The following PEAK1 variants were observed in gnomAD, a reference collection of about 807,000 sequenced individuals.
PEAK1 encodes pseudopodium enriched atypical kinase 1.
Under a neutral mutation model 124.7 loss-of-function variants are expected in PEAK1, and 54 were observed. The ratio of observed to expected loss-of-function variants is 0.43; its 90% CI spans 0.35 to 0.54. PEAK1 has a LOEUF of 0.54. Among genes scored for constraint, PEAK1 ranks in the 20% least tolerant of loss-of-function variants. PEAK1 has a pLI of 0.01. For synonymous variants in PEAK1, 719 were observed against 760.0 expected (o/e 0.95, Z 0.89); for missense variants, 2,046 against 2,134.5 (o/e 0.96, Z 0.82).
intron 5 of PEAK1, among the ~76,000 whole-genome samples, chr15:77,269,199 T>C (rs2061897877): frequency 6.6e-6 from 1 of 151,686 alleles, no homozygotes. Context: ...TGGGCCGAAA[T>C]GCTCCACTTA....
chr15:77,182,183 T>C, intron 6 of PEAK1, 143 bp from the exon 7 acceptor site: 1 of 710,212 alleles, frequency 1.4e-6, no homozygotes, highest in African/African-American at 1.9e-5. Flanking sequence ...TTTGTGTACT[T>C]TGTAATTTCC....
intron 6 of PEAK1, among the ~76,000 whole-genome samples, chr15:77,218,478 GATT>G (rs1233407382): frequency 4.0e-5 from 6 of 151,606 alleles, no homozygotes; most frequent in African/African-American, 1.5e-4. Flanking sequence ...ACCCTGGGAT[GATT>G]TTATTATTCA....
intron 9 of PEAK1, among the ~76,000 whole-genome samples, chr15:77,118,165 T>C (rs1262919700): frequency 6.6e-6 from 1 of 152,172 alleles, no homozygotes; most frequent in African/African-American, 2.4e-5. Flanking sequence ...ACTCTAGCTT[T>C]AAGAGCAAAG....
chr15:77,287,146 A>G (rs956033735), intron 2 of PEAK1, among the ~76,000 whole-genome samples: 2 of 152,212 alleles, frequency 1.3e-5, no homozygotes, highest in African/African-American at 4.8e-5. Context: ...AAAGGGCCAC[A>G]CTGTACTCAG....
chr15:77,364,556 G>A (rs757114257), intron 2 of PEAK1, among the ~76,000 whole-genome samples: 2 of 152,296 alleles, frequency 1.3e-5, no homozygotes, highest in East Asian at 3.9e-4. Context: ...TTACAACGAT[G>A]TATTTGGAAA....
At chr15:77,390,965 C>G (rs904298137) in intron 1 of PEAK1, among the ~76,000 whole-genome samples, 6 of 152,272 alleles carry the variant, frequency 3.9e-5, no homozygotes, top group African/African-American at 1.4e-4. Context: ...TTTGCCTCTG[C>G]AGAATAAGTT....
At chr15:77,387,683 C>T (rs2070067903) in intron 1 of PEAK1, among the ~76,000 whole-genome samples, 1 of 152,130 alleles carries the variant, frequency 6.6e-6, no homozygotes, top group South Asian at 2.1e-4. Flanking sequence ...TATAAAGTTA[C>T]TTGAGGAAGC....
At chr15:77,318,129 G>C (rs1336868046) in intron 2 of PEAK1, among the ~76,000 whole-genome samples, 1 of 151,620 alleles carries the variant, frequency 6.6e-6, no homozygotes, top group Non-Finnish European at 1.5e-5. Context: ...TTGATAGTTA[G>C]ACAAATCTAC....
At chr15:77,239,990 A>T in intron 6 of PEAK1, 1 of 284,880 alleles carries the variant, frequency 3.5e-6, no homozygotes, top group Non-Finnish European at 5.3e-6. Flanking sequence ...AAATAAGAAT[A>T]ACTAGAAAGC....
chr15:77,277,116 C>T (rs1027030890), intron 5 of PEAK1, among the ~76,000 whole-genome samples: 2 of 152,104 alleles, frequency 1.3e-5, no homozygotes, highest in African/African-American at 4.8e-5. Context: ...TGTGACACAT[C>T]CATACCATGG....
chr15:77,303,125 G>A (rs541314445), intron 2 of PEAK1, among the ~76,000 whole-genome samples: 6 of 152,088 alleles, frequency 3.9e-5, no homozygotes, highest in South Asian at 4.2e-4. Context: ...TTAATATTTC[G>A]CTATATGAAT....
At chr15:77,307,573 C>A (rs997582523) in intron 2 of PEAK1, among the ~76,000 whole-genome samples, 7 of 152,044 alleles carry the variant, frequency 4.6e-5, no homozygotes, top group African/African-American at 1.4e-4. Flanking sequence ...AAAAACCACT[C>A]CTCTTCAGGA....
chr15:77,246,300 C>T (rs991318496), intron 6 of PEAK1, among the ~76,000 whole-genome samples: 4 of 152,184 alleles, frequency 2.6e-5, no homozygotes, highest in Non-Finnish European at 5.9e-5. Context: ...AGCCACTGTG[C>T]CTGGCCCCTG....
intron 8 of PEAK1, among the ~76,000 whole-genome samples, chr15:77,149,650 T>C (rs545211338): frequency 6.6e-6 from 1 of 152,296 alleles, no homozygotes; most frequent in South Asian, 2.1e-4. Context: ...TTTATTACCT[T>C]TCCAAAGAAG....
At chr15:77,403,167 TG>T (rs1567357792) in intron 1 of PEAK1, 1 of 985,282 alleles carries the variant, frequency 1.0e-6, no homozygotes, top group Non-Finnish European at 1.2e-6. Context: ...CTACTTTGCC[TG>T]TATCATCTTG....
At chr15:77,291,976 CAA>C (rs34817180) in intron 2 of PEAK1, among the ~76,000 whole-genome samples, 66,613 of 107,048 alleles carry the variant, frequency 0.62, 17,378 homozygotes, top group Middle Eastern at 0.71. Context: ...GACTCCGTCT[CAA>C]AAAAAAAAAA....
At chr15:77,332,642 T>C (rs1014646448) in intron 2 of PEAK1, among the ~76,000 whole-genome samples, 4 of 152,016 alleles carry the variant, frequency 2.6e-5, no homozygotes, top group Admixed American at 6.5e-5. Flanking sequence ...GAGGAAAATA[T>C]AAATTTTATT....
At position 77,224,755 on chromosome 15, in the gene PEAK1, A is replaced by C. The variant is rs549235491; in HGVS notation, c.-115+27612T>G. ...CGGGAGATTTCCACTGAGCTCCTACACCAGCATTTTCTAGAATTTTGCTGA... is the reference window on the plus strand; with the variant it reads ...CGGGAGATTTCCACTGAGCTCCTACCCCAGCATTTTCTAGAATTTTGCTGA... On this transcript the variant is annotated intron_variant, in intron 6 of 9. Coordinates refer to ENST00000682557, the MANE Select transcript of PEAK1 (RefSeq NM_001385026.1). 4.6e-5 allele frequency among the ~76,000 whole-genome samples: 7 copies of C among 152,082 alleles called. No homozygotes were observed. The South Asian group carries it at 1.5e-3, about 32-fold the overall frequency.
At chr15:77,267,661 G>T (rs1254848600) in intron 5 of PEAK1, among the ~76,000 whole-genome samples, 2 of 152,158 alleles carry the variant, frequency 1.3e-5, no homozygotes, top group African/African-American at 4.8e-5. Flanking sequence ...TATGGGAAAG[G>T]GAAGAGCACC....
Sources: allele counts gnomAD v4.1 joint callset (sites outside exome capture counted in the v4.1 genomes callset), GRCh38; gene constraint gnomAD v4.1.1; transcripts MANE v1.5; gene names NCBI Gene and HGNC (gene_info 2026-07-23, HGNC 2026-07-21).